The following MAST2 variants were observed in gnomAD, a reference collection of about 807,000 sequenced individuals.
MAST2 encodes the protein microtubule associated serine/threonine kinase 2, also known as microtubule-associated serine/threonine-protein kinase 2.
In MAST2, 70 loss-of-function variants were observed where a neutral mutation model predicts 147.4. The ratio of observed to expected loss-of-function variants is 0.47; its 90% confidence interval spans 0.39 to 0.58. The LOEUF (loss-of-function observed/expected upper bound fraction) is 0.58, where lower values mean the gene tolerates loss of function less well. Among genes scored for constraint, MAST2 ranks in the 20% least tolerant of loss-of-function variants. The probability of loss-of-function intolerance (pLI) is 0.00; values close to 1 mark genes in which losing one functional copy is unlikely to be tolerated. For missense variants in MAST2, 2,080 were observed against 2,302.3 expected (o/e 0.90, Z 1.98); for synonymous variants, 869 against 896.8 (o/e 0.97, Z 0.55).
chr1:46,000,542 C>T (rs1232934899), intron 6 of MAST2, among the ~76,000 whole-genome samples: 1 of 152,086 alleles, frequency 6.6e-6, no homozygotes. Context: ...GCTTCAGGGC[C>T]TGGTTTTTTA....
intron 4 of MAST2, among the ~76,000 whole-genome samples, chr1:45,891,657 A>AT (rs892572220): frequency 8.5e-4 from 125 of 147,126 alleles, no homozygotes; most frequent in East Asian, 4.7e-3. Context: ...ACTTTTTCCA[A>AT]TTTTTTTTTT....
At chr1:45,824,389 A>G in intron 1 of MAST2, 44 bp from the exon 2 acceptor site, 1 of 1,484,498 alleles carries the variant, frequency 6.7e-7, no homozygotes, top group Non-Finnish European at 9.2e-7. Context: ...TATACTTCAG[A>G]GGAGATATTA....
intron 4 of MAST2, among the ~76,000 whole-genome samples, chr1:45,936,200 G>A (rs1328184335): frequency 6.6e-5 from 10 of 152,132 alleles, no homozygotes; most frequent in Admixed American, 2.6e-4. Flanking sequence ...CAGCTTGGAC[G>A]TCATTGGAGT....
chr1:45,919,397 A>C (rs902592645), intron 4 of MAST2, among the ~76,000 whole-genome samples: 2 of 152,212 alleles, frequency 1.3e-5, no homozygotes, highest in Non-Finnish European at 2.9e-5. Context: ...AGTTGAAAAA[A>C]AAATGTTAAA....
At chr1:45,868,751 C>T (rs1434609537) in intron 3 of MAST2, among the ~76,000 whole-genome samples, 3 of 152,178 alleles carry the variant, frequency 2.0e-5, no homozygotes, top group Non-Finnish European at 4.4e-5. Flanking sequence ...AATTTTTAGT[C>T]TTTAAAAACA....
chr1:45,914,236 G>C (rs1219773627), intron 4 of MAST2, among the ~76,000 whole-genome samples: 9 of 152,182 alleles, frequency 5.9e-5, no homozygotes. Flanking sequence ...GAAACAAAAA[G>C]TACCTCCTCC....
intron 5 of MAST2, among the ~76,000 whole-genome samples, chr1:45,961,240 A>T (rs1359329931): frequency 6.6e-6 from 1 of 152,062 alleles, no homozygotes; most frequent in Non-Finnish European, 1.5e-5. Context: ...GCTTTCCTCT[A>T]AAAAAATTGA....
At chr1:45,953,911 T>C (rs1266213480) in intron 4 of MAST2, among the ~76,000 whole-genome samples, 1 of 152,178 alleles carries the variant, frequency 6.6e-6, no homozygotes, top group Admixed American at 6.5e-5. Flanking sequence ...CTCCCTTTAT[T>C]GGGGAGGGAA....
At chr1:45,949,611 C>T (rs1217806284) in intron 4 of MAST2, among the ~76,000 whole-genome samples, 1 of 152,172 alleles carries the variant, frequency 6.6e-6, no homozygotes, top group Non-Finnish European at 1.5e-5. Flanking sequence ...CACTTACACA[C>T]TGTTGGTGGG....
intron 4 of MAST2, among the ~76,000 whole-genome samples, chr1:45,885,961 A>G (rs1647063351): frequency 6.6e-6 from 1 of 152,056 alleles, no homozygotes. Flanking sequence ...TTAAATTTTA[A>G]ATTTTAAATT....
intron 22 of MAST2, 88 bp downstream of exon 22, chr1:46,030,849 A>G: frequency 6.8e-7 from 1 of 1,479,628 alleles, no homozygotes; most frequent in Non-Finnish European, 9.0e-7. Flanking sequence ...GCCAGGGAGG[A>G]GTGCAGGTGG....
At chr1:46,027,116 G>C (rs1646446518) in intron 16 of MAST2, among the ~76,000 whole-genome samples, 1 of 152,130 alleles carries the variant, frequency 6.6e-6, no homozygotes. Flanking sequence ...TGGGCAGTTG[G>C]GTAGGCCTGG....
chr1:46,031,196 AGAGG>A lies in MAST2; in HGVS notation c.2900_2903del (p.Glu967GlyfsTer80), dbSNP rs751558058. 8.9e-6 allele frequency: 14 copies of A among 1,571,642 alleles called. No homozygotes were observed. The highest frequency in any genetic ancestry group is 7.3e-5 in the Admixed American group (4 of 55,140). The stretch of plus-strand genomic sequence containing the variant: ...TATGGGTCCTGACACCCCCATCTGG[AGAGG>A]GGGTATCTGGGCCTGTCACTGAACA... On this transcript the variant is annotated frameshift_variant, in exon 23 of 29. Coordinates refer to ENST00000361297, the MANE Select transcript of MAST2 (RefSeq NM_015112.3). LOFTEE classifies it high-confidence loss of function. The surrounding 1 kb of genome is among the most constrained non-coding windows in gnomAD (Gnocchi z 4.1).
intron 4 of MAST2, among the ~76,000 whole-genome samples, chr1:45,924,633 T>A (rs539411406): frequency 2.6e-5 from 4 of 152,346 alleles, no homozygotes; most frequent in African/African-American, 7.2e-5. Context: ...TCTCTTTTTT[T>A]AATTTGATGA....
chr1:46,024,114 C>G (rs1440813425), intron 15 of MAST2, 134 bp downstream of exon 15: 2 of 839,072 alleles, frequency 2.4e-6, no homozygotes, highest in Non-Finnish European at 3.8e-6. Flanking sequence ...GCATTGGTTT[C>G]TGCCTCAGGA....
At chr1:45,934,489 G>A (rs972918646) in intron 4 of MAST2, among the ~76,000 whole-genome samples, 8 of 151,898 alleles carry the variant, frequency 5.3e-5, no homozygotes, top group Admixed American at 3.9e-4. Flanking sequence ...GCAGTGGCAT[G>A]ATCTCAGCTC....
chr1:45,861,499 G>A (rs955143497), intron 3 of MAST2, among the ~76,000 whole-genome samples: 3 of 150,488 alleles, frequency 2.0e-5, no homozygotes, highest in Non-Finnish European at 4.4e-5. Context: ...TAGCTATAAT[G>A]TGGAAGCTTC....
intron 5 of MAST2, among the ~76,000 whole-genome samples, chr1:45,978,980 A>G (rs1051058943): frequency 6.6e-6 from 1 of 152,232 alleles, no homozygotes; most frequent in African/African-American, 2.4e-5. Context: ...AAAAACCTCT[A>G]AACTGCACAC....
intron 1 of MAST2, among the ~76,000 whole-genome samples, chr1:45,805,716 C>T (rs1644122485): frequency 6.6e-6 from 1 of 152,182 alleles, no homozygotes; most frequent in African/African-American, 2.4e-5. Flanking sequence ...GAAAAGTACT[C>T]ATCCTCCTCT....
Sources: gnomAD v4.1 joint callset for allele counts (sites outside exome capture counted in the v4.1 genomes callset) on GRCh38, gnomAD v4.1.1 for gene constraint, Gnocchi (gnomAD v3.1) non-coding constraint, MANE v1.5 for transcripts, NCBI Gene and HGNC (gene_info 2026-07-23, HGNC 2026-07-21) for gene names.